Variants in MBNL1 observed in about 807,000 individuals in gnomAD.
MBNL1 encodes the protein muscleblind like splicing regulator 1.
Under a neutral mutation model 42.2 loss-of-function variants are expected in MBNL1, and 8 were observed. The observed-to-expected ratio is 0.19, with a 90% CI of 0.11 to 0.34. The LOEUF (loss-of-function observed/expected upper bound fraction) is 0.34. Ranked by LOEUF, MBNL1 falls within the 10% of genes least tolerant of loss-of-function variation. The probability of loss-of-function intolerance (pLI) is 1.00; values close to 1 mark genes in which losing one functional copy is unlikely to be tolerated. For synonymous variants in MBNL1, 169 were observed against 173.9 expected (o/e 0.97, Z 0.22); for missense variants, 309 against 495.3 (o/e 0.62, Z 3.57).
chr3:152,257,302 C>T (rs922683392), intron 2 of MBNL1, among the ~76,000 whole-genome samples: 2 of 152,116 alleles, frequency 1.3e-5, no homozygotes, highest in Admixed American at 6.5e-5. Flanking sequence ...AATAATAGTA[C>T]ACATTTGTTG....
intron 2 of MBNL1, among the ~76,000 whole-genome samples, chr3:152,317,663 TATCTCCAAGTA>T (rs139491519): frequency 0.072 from 10,905 of 152,248 alleles, 501 homozygotes; most frequent in Middle Eastern, 0.17. Flanking sequence ...ACTCCACAGT[TATCTCCAAGTA>T]AGTCTAATAT....
chr3:152,261,743 CT>C (rs2036317954), intron 2 of MBNL1, among the ~76,000 whole-genome samples: 1 of 152,200 alleles, frequency 6.6e-6, no homozygotes, highest in Non-Finnish European at 1.5e-5. Context: ...GAACAACAAA[CT>C]TTCTCCTCAT....
intron 4 of MBNL1, among the ~76,000 whole-genome samples, chr3:152,434,922 C>T (rs954968223): frequency 1.3e-5 from 2 of 152,006 alleles, no homozygotes; most frequent in Non-Finnish European, 2.9e-5. Context: ...ATTTAAGTTC[C>T]TTACAGATTC....
At chr3:152,266,505 C>A (rs1408972094), upstream of MBNL1, 2 of 152,200 alleles carry the variant, frequency 1.3e-5, no homozygotes, top group Non-Finnish European at 2.9e-5. Context: ...AAGAACACTA[C>A]AGTTCTAACT....
intron 1 of MBNL1, among the ~76,000 whole-genome samples, chr3:152,289,784 T>C (rs2054785555): frequency 6.6e-6 from 1 of 152,134 alleles, no homozygotes; most frequent in Non-Finnish European, 1.5e-5. Flanking sequence ...GTAGCACCTA[T>C]GTGGCTTGAG....
chr3:152,309,773 C>T (rs2065316700), intron 2 of MBNL1, among the ~76,000 whole-genome samples: 1 of 151,406 alleles, frequency 6.6e-6, no homozygotes, highest in Non-Finnish European at 1.5e-5. Flanking sequence ...GATATCTTTG[C>T]TCATCTAATC....
intron 2 of MBNL1, among the ~76,000 whole-genome samples, chr3:152,411,728 A>G (rs1255144755): frequency 6.6e-6 from 1 of 152,184 alleles, no homozygotes; most frequent in Non-Finnish European, 1.5e-5. Context: ...TATAGATTTT[A>G]TGATGCCAGA....
intron 2 of MBNL1, among the ~76,000 whole-genome samples, chr3:152,324,290 T>C (rs1011737918): frequency 6.6e-5 from 10 of 152,190 alleles, no homozygotes; most frequent in African/African-American, 2.4e-5. Context: ...ATTTCAAATA[T>C]AAATTGACTA....
chr3:152,424,717 C>T (rs2098883561), intron 3 of MBNL1, among the ~76,000 whole-genome samples: 2 of 152,126 alleles, frequency 1.3e-5, no homozygotes, highest in African/African-American at 4.8e-5. Context: ...AGTACTGGTA[C>T]CAAAACAGAT....
intron 2 of MBNL1, among the ~76,000 whole-genome samples, chr3:152,257,634 G>T (rs908467962): frequency 6.6e-6 from 1 of 152,170 alleles, no homozygotes; most frequent in Admixed American, 6.5e-5. Context: ...AAAATTCTGA[G>T]TGTGTTTGTT....
chr3:152,245,365 T>G (rs2032665710), intron 2 of MBNL1, among the ~76,000 whole-genome samples: 1 of 152,196 alleles, frequency 6.6e-6, no homozygotes, highest in South Asian at 2.1e-4. Context: ...AATACAGCTT[T>G]GAGAAGAAAA....
At chr3:152,390,808 A>C (rs895729714) in intron 2 of MBNL1, among the ~76,000 whole-genome samples, 4 of 152,228 alleles carry the variant, frequency 2.6e-5, no homozygotes, top group Admixed American at 6.5e-5. Context: ...CACAGGGCAC[A>C]GGCAAGAATG....
intron 2 of MBNL1, among the ~76,000 whole-genome samples, chr3:152,375,585 T>C (rs150005889): frequency 6.6e-6 from 1 of 152,294 alleles, no homozygotes; most frequent in African/African-American, 2.4e-5. Flanking sequence ...GTATTAGGTC[T>C]TCTTCACATG....
chr3:152,350,101 T>C (rs2094783387), intron 2 of MBNL1, among the ~76,000 whole-genome samples: 1 of 152,096 alleles, frequency 6.6e-6, no homozygotes, highest in African/African-American at 2.4e-5. Flanking sequence ...CGCATCTCTC[T>C]ATAACCAGCA....
chr3:152,294,466 A>G (rs1398138121), intron 1 of MBNL1, among the ~76,000 whole-genome samples: 1 of 151,594 alleles, frequency 6.6e-6, no homozygotes, highest in Non-Finnish European at 1.5e-5. Context: ...TGTATTTTTT[A>G]GTAGAGATGG....
intron 4 of MBNL1, among the ~76,000 whole-genome samples, chr3:152,433,333 CATAAAG>C (rs1359405851): frequency 6.6e-6 from 1 of 152,148 alleles, no homozygotes; most frequent in Non-Finnish European, 1.5e-5. Context: ...AAATTGTTCT[CATAAAG>C]ATTAACAAAT....
chr3:152,311,086 G>A (rs924305429), intron 2 of MBNL1, among the ~76,000 whole-genome samples: 10 of 132,268 alleles, frequency 7.6e-5, no homozygotes, highest in Non-Finnish European at 1.2e-4. Context: ...TCAGCTTACT[G>A]CAACCTCCGC....
chr3:152,284,709 T>C (rs2050520258), intron 1 of MBNL1, among the ~76,000 whole-genome samples: 1 of 152,304 alleles, frequency 6.6e-6, no homozygotes. Context: ...TCAGTCTTAC[T>C]GTGTGCATAG....
At chr3:152,287,076 G>A (rs113852517) in intron 1 of MBNL1, among the ~76,000 whole-genome samples, 2,398 of 152,088 alleles carry the variant, frequency 0.016, 56 homozygotes, top group African/African-American at 0.055. Context: ...AAAGTAGCCG[G>A]GTGTGGTGGT....
Sources: allele counts gnomAD v4.1 joint callset (sites outside exome capture counted in the v4.1 genomes callset), GRCh38; gene constraint gnomAD v4.1.1; transcripts MANE v1.5; gene names NCBI Gene and HGNC (gene_info 2026-07-23, HGNC 2026-07-21).